The following CLVS1 variants were observed in gnomAD, a reference collection of about 807,000 sequenced individuals.
The protein encoded by CLVS1 is clavesin-1.
Under a neutral mutation model 33.1 loss-of-function variants are expected in CLVS1, and 10 were observed. The ratio of observed to expected loss-of-function variants is 0.30; its 90% CI spans 0.19 to 0.51. The LOEUF (loss-of-function observed/expected upper bound fraction) is 0.51. CLVS1 is among the 20% of genes least tolerant of loss of function. The probability of loss-of-function intolerance (pLI) is 0.97; values close to 1 mark genes in which losing one functional copy is unlikely to be tolerated. For missense variants in CLVS1, 343 were observed against 433.4 expected (o/e 0.79, Z 1.85); for synonymous variants, 163 against 166.1 (o/e 0.98, Z 0.14).
At chr8:61,262,865 C>T (rs190501095) in intron 2 of CLVS1, among the ~76,000 whole-genome samples, 27 of 152,286 alleles carry the variant, frequency 1.8e-4, no homozygotes, top group African/African-American at 5.8e-4. Context: ...AAACAGCACT[C>T]GTTGCTCTAG....
chr8:61,149,566 AAAC>A (rs1172573911), intron 2 of CLVS1, among the ~76,000 whole-genome samples: 5 of 149,352 alleles, frequency 3.3e-5, no homozygotes, highest in South Asian at 4.2e-4. Flanking sequence ...AAAAAAAAAA[AAAC>A]AAAAAACAAA....
chr8:61,299,668 GT>G lies in CLVS1; in HGVS notation c.-151-4del. On this transcript the variant is annotated splice_region_variant and splice_polypyrimidine_tract_variant and intron_variant, in intron 1 of 5. Transcript: ENST00000325897. ...TCTTCTGTTTCTTTTGTGTGTATTT[GT>G]TTTTCAGTAAGCAATGGCCTCAGTT... 3.4e-6 allele frequency: 2 copies of G among 588,744 alleles called. No homozygotes were observed. Among genetic ancestry groups the G allele is most frequent in the Non-Finnish European group, 6.0e-6 (2 of 333,612 alleles). 36.5% of individuals were successfully genotyped at this position (588,744 alleles called of 1,614,324 possible). A position where few individuals can be genotyped will look rare whatever the true frequency, so the allele number is the denominator to read the frequency against.
At chr8:61,204,899 C>T (rs901420670) in intron 2 of CLVS1, among the ~76,000 whole-genome samples, 1 of 152,112 alleles carries the variant, frequency 6.6e-6, no homozygotes, top group African/African-American at 2.4e-5. Context: ...TTGTAAACTG[C>T]CATTTGAGGA....
chr8:61,270,891 A>G (rs1162681746), intron 2 of CLVS1, among the ~76,000 whole-genome samples: 1 of 151,622 alleles, frequency 6.6e-6, no homozygotes, highest in Non-Finnish European at 1.5e-5. Context: ...TGCATCTATT[A>G]GATTCTTCTC....
intron 3 of CLVS1, chr8:61,391,121 A>G (rs1814287487): frequency 1.3e-5 from 2 of 152,342 alleles, no homozygotes; most frequent in South Asian, 4.1e-4. Context: ...CCTGAAATGC[A>G]TTTTAGAAGA....
chr8:61,219,076 G>T (rs1005032234), intron 2 of CLVS1, among the ~76,000 whole-genome samples: 2 of 152,206 alleles, frequency 1.3e-5, no homozygotes, highest in Admixed American at 1.3e-4. Flanking sequence ...GATCTCTGAG[G>T]TCACTGAAGG....
chr8:61,442,662 C>T (rs986860626), intron 3 of CLVS1, among the ~76,000 whole-genome samples: 6 of 152,014 alleles, frequency 3.9e-5, no homozygotes, highest in Non-Finnish European at 7.4e-5. Flanking sequence ...TGCAGTGGCG[C>T]GATCTTGGCT....
At chr8:61,427,410 C>A (rs1815935334) in intron 3 of CLVS1, among the ~76,000 whole-genome samples, 1 of 152,092 alleles carries the variant, frequency 6.6e-6, no homozygotes, top group African/African-American at 2.4e-5. Context: ...AAGCCTGGAC[C>A]CAACCCGATG....
intron 2 of CLVS1, among the ~76,000 whole-genome samples, chr8:61,219,562 G>T (rs1313631263): frequency 1.3e-5 from 2 of 152,126 alleles, no homozygotes; most frequent in Non-Finnish European, 2.9e-5. Flanking sequence ...TGGGCATTTG[G>T]TTTGTTTCCA....
chr8:61,143,307 T>G (rs1806346118), intron 2 of CLVS1, among the ~76,000 whole-genome samples: 1 of 152,114 alleles, frequency 6.6e-6, no homozygotes, highest in Non-Finnish European at 1.5e-5. Context: ...AGCCCCAGGA[T>G]TCGCACTGTG....
At chr8:61,091,486 CTT>C (rs1462763796) in intron 1 of CLVS1, among the ~76,000 whole-genome samples, 4 of 152,176 alleles carry the variant, frequency 2.6e-5, no homozygotes, top group Non-Finnish European at 5.9e-5. Context: ...TATTCAAAAA[CTT>C]TAGCTAGAGC....
At chr8:61,318,645 T>C (rs910712235) in intron 2 of CLVS1, among the ~76,000 whole-genome samples, 1 of 152,214 alleles carries the variant, frequency 6.6e-6, no homozygotes, top group Admixed American at 6.5e-5. Flanking sequence ...TAATTTTTCT[T>C]TCATATTTTC....
chr8:61,051,066 G>T, the CLVS1 span, among the ~76,000 whole-genome samples: 5 of 152,130 alleles, frequency 3.3e-5, no homozygotes, highest in Non-Finnish European at 7.3e-5. Flanking sequence ...AAATAAACAG[G>T]CTCCTCTGCA....
chr8:61,162,456 A>G (rs928170121), intron 2 of CLVS1, among the ~76,000 whole-genome samples: 1 of 152,208 alleles, frequency 6.6e-6, no homozygotes, highest in South Asian at 2.1e-4. Context: ...TGCAGTTGAG[A>G]GAAACTAGGA....
the CLVS1 span, among the ~76,000 whole-genome samples, chr8:61,041,883 C>CTGTTTTT: frequency 6.6e-6 from 1 of 152,042 alleles, no homozygotes; most frequent in Non-Finnish European, 1.5e-5. Context: ...ATAGGACTTC[C>CTGTTTTT]TGTTTTTTGT....
intron 2 of CLVS1, among the ~76,000 whole-genome samples, chr8:61,166,025 C>A (rs1806855401): frequency 2.1e-5 from 1 of 46,512 alleles, no homozygotes. Flanking sequence ...GGCTAAGCAT[C>A]TAAGCGTTTT....
the CLVS1 span, among the ~76,000 whole-genome samples, chr8:61,002,207 C>T: frequency 3.9e-5 from 6 of 151,980 alleles, no homozygotes; most frequent in African/African-American, 1.5e-4. Flanking sequence ...GTCTTGAACT[C>T]CTGGGCTCAA....
chr8:60,984,770 G>A, the CLVS1 span, among the ~76,000 whole-genome samples: 2 of 152,136 alleles, frequency 1.3e-5, no homozygotes, highest in Non-Finnish European at 2.9e-5. Context: ...CTATGAGGTA[G>A]GTGCTATTTT....
At chr8:61,189,342 C>G (rs922375254) in intron 2 of CLVS1, among the ~76,000 whole-genome samples, 1 of 152,130 alleles carries the variant, frequency 6.6e-6, no homozygotes, top group Non-Finnish European at 1.5e-5. Context: ...TTGTCACCAC[C>G]AGGCCTGCTC....
Sources: allele counts gnomAD v4.1 joint callset (sites outside exome capture counted in the v4.1 genomes callset), GRCh38; gene constraint gnomAD v4.1.1; transcripts MANE v1.5; gene names NCBI Gene and HGNC (gene_info 2026-07-23, HGNC 2026-07-21).